The following CFAP54 variants were observed in gnomAD, a reference collection of about 807,000 sequenced individuals.
The protein encoded by CFAP54 is cilia- and flagella-associated protein 54.
CFAP54 carries 290 observed loss-of-function variants against 370.4 expected under a neutral mutation model. The ratio of observed to expected loss-of-function variants is 0.78; its 90% confidence interval spans 0.71 to 0.86. The LOEUF (loss-of-function observed/expected upper bound fraction) is 0.86, where lower values mean the gene tolerates loss of function less well. CFAP54 is among the 40% of genes least tolerant of loss of function. The probability of loss-of-function intolerance (pLI) is 0.00; values close to 1 mark genes in which losing one functional copy is unlikely to be tolerated. For synonymous variants in CFAP54, 1,206 were observed against 1,236.5 expected (o/e 0.98, Z 0.52); for missense variants, 3,399 against 3,528.7 (o/e 0.96, Z 0.93).
At chr12:96,826,873 ATATAT>A (rs1223910743) in intron 65 of CFAP54, among the ~76,000 whole-genome samples, 24 of 120,582 alleles carry the variant, frequency 2.0e-4, no homozygotes, top group South Asian at 7.1e-4. Flanking sequence ...TAATATTATG[ATATAT>A]TATATAATAT....
chr12:96,862,950 A>T (rs1385944783), intron 67 of CFAP54, among the ~76,000 whole-genome samples: 1 of 152,224 alleles, frequency 6.6e-6, no homozygotes, highest in African/African-American at 2.4e-5. Context: ...CAGGTGTGGA[A>T]ACAGCATGAC....
intron 40 of CFAP54, 73 bp downstream of exon 40, chr12:96,679,825 C>A: frequency 6.9e-7 from 1 of 1,452,348 alleles, no homozygotes; most frequent in South Asian, 1.3e-5. Flanking sequence ...CCCTCTTCTG[C>A]CCTCTCATTC....
chr12:96,835,146 C>CG (rs1401155040), intron 66 of CFAP54, among the ~76,000 whole-genome samples: 6 of 152,162 alleles, frequency 3.9e-5, no homozygotes, highest in African/African-American at 1.4e-4. Flanking sequence ...GAGTGGGTTA[C>CG]TCCTCTTTGC....
At chr12:96,573,124 A>G in intron 19 of CFAP54, 1 of 790,922 alleles carries the variant, frequency 1.3e-6, no homozygotes, top group South Asian at 5.7e-5. Flanking sequence ...CTCCAGACAT[A>G]ATCCCGAGGA....
At chr12:96,533,132 T>G (rs1331660714) in intron 9 of CFAP54, among the ~76,000 whole-genome samples, 1 of 152,076 alleles carries the variant, frequency 6.6e-6, no homozygotes, top group Non-Finnish European at 1.5e-5. Context: ...TTCTTTTCTT[T>G]CTTTCTTTTT....
At chr12:96,664,084 C>T (rs1192899680) in intron 39 of CFAP54, 152 bp downstream of exon 39, 1 of 648,068 alleles carries the variant, frequency 1.5e-6, no homozygotes, top group Non-Finnish European at 2.7e-6. Context: ...TTTTCGCCAT[C>T]TTACGTTGCT....
chr12:96,677,165 G>A lies in CFAP54; in HGVS notation c.5564-2435G>A, dbSNP rs193226697. Among the ~76,000 whole-genome samples the A allele has an allele frequency of 7.3e-3, 1,049 of 144,452 alleles. 10 individuals carry two copies. Among genetic ancestry groups the A allele is most frequent in the South Asian group, 0.023 (105 of 4,564 alleles). The allele number at this position is 144,452 out of a possible 152,430, so 94.8% of individuals were successfully genotyped here. A position where few individuals can be genotyped will look rare whatever the true frequency, so the allele number is the denominator to read the frequency against. On this transcript the variant is annotated intron_variant, in intron 39 of 67. Transcript: ENST00000524981. Reference sequence around the variant, plus strand: ...CTACAGGCACATGCCCCTGCACCCAGCTAACTTATTTTATTTTATTTTTTT... The same window carrying A: ...CTACAGGCACATGCCCCTGCACCCAACTAACTTATTTTATTTTATTTTTTT...
At chr12:96,631,000 A>G (rs1055878691) in intron 32 of CFAP54, among the ~76,000 whole-genome samples, 14 of 151,950 alleles carry the variant, frequency 9.2e-5, no homozygotes. Flanking sequence ...CAAAATGTTT[A>G]GTTTCTGTTT....
At chr12:96,708,945 C>A (rs1431793455) in intron 48 of CFAP54, 142 bp downstream of exon 48, 3 of 662,846 alleles carry the variant, frequency 4.5e-6, no homozygotes, top group Non-Finnish European at 5.0e-6. Flanking sequence ...CACATATGTA[C>A]TTATGTCTAG....
At chr12:96,603,320 G>A (rs1287836840) in intron 26 of CFAP54, among the ~76,000 whole-genome samples, 1 of 152,204 alleles carries the variant, frequency 6.6e-6, no homozygotes, top group East Asian at 1.9e-4. Flanking sequence ...TCTGCCAAGA[G>A]ATCCACTGTT....
intron 26 of CFAP54, among the ~76,000 whole-genome samples, chr12:96,604,863 T>C (rs771096796): frequency 1.1e-4 from 17 of 152,202 alleles, no homozygotes; most frequent in Non-Finnish European, 1.9e-4. Flanking sequence ...AGTGTACCGT[T>C]CCTCCAGGTA....
chr12:96,548,809 T>C (rs1360968117), intron 15 of CFAP54, among the ~76,000 whole-genome samples: 2 of 152,138 alleles, frequency 1.3e-5, no homozygotes, highest in African/African-American at 2.4e-5. Context: ...TCCAGACATA[T>C]GCAATCACAA....
chr12:96,658,227 C>T lies in CFAP54; in HGVS notation c.5341C>T (p.Gln1781Ter). Reference protein sequence around the residue: ...NTVSHERYTEQVTPLLVYAQR... With the variant: ...NTVSHERYTE ...CCTGTCTAGTGAGAGGTATACAGAA[C>T]AAGTGACACCACTTCTGGTGTATGC... The change falls in exon 38 of 68, where the codon CAA (glutamine) becomes TAA (stop). Residue 1781 changes from glutamine to a stop codon, truncating the protein, a stop_gained. Transcript: ENST00000524981. LOFTEE classifies it high-confidence loss of function. 6.2e-7 allele frequency: 1 copy of T among 1,613,832 alleles called. No homozygotes were observed. The highest frequency in any genetic ancestry group is 8.5e-7 in the Non-Finnish European group (1 of 1,179,908).
chr12:96,844,792 C>G (rs1442630793), intron 66 of CFAP54, among the ~76,000 whole-genome samples: 1 of 152,198 alleles, frequency 6.6e-6, no homozygotes, highest in Non-Finnish European at 1.5e-5. Context: ...TAAGCTCCTT[C>G]TCACCGTGTC....
intron 50 of CFAP54, among the ~76,000 whole-genome samples, chr12:96,737,496 G>T (rs1335139294): frequency 1.3e-4 from 18 of 143,512 alleles, no homozygotes; most frequent in African/African-American, 3.0e-4. Flanking sequence ...TATATGTTTT[G>T]TTTTTTTTTT....
intron 50 of CFAP54, among the ~76,000 whole-genome samples, chr12:96,727,917 A>G (rs1237617616): frequency 6.6e-6 from 1 of 151,508 alleles, no homozygotes; most frequent in African/African-American, 2.4e-5. Flanking sequence ...AAAGGATTTT[A>G]TTTCTCCTTC....
At chr12:96,653,925 C>T (rs1049361186) in intron 36 of CFAP54, among the ~76,000 whole-genome samples, 2 of 151,436 alleles carry the variant, frequency 1.3e-5, no homozygotes, top group Non-Finnish European at 2.9e-5. Flanking sequence ...TGGAGAAGGG[C>T]TATAACTACA....
intron 47 of CFAP54, 35 bp downstream of exon 47, chr12:96,704,831 C>T (rs12322697): frequency 1.2e-6 from 1 of 831,808 alleles, no homozygotes; most frequent in South Asian, 1.8e-5. Flanking sequence ...CATGGTTTTC[C>T]TAAGTGTGGA....
At chr12:96,870,436 A>G (rs184437355) in intron 67 of CFAP54, among the ~76,000 whole-genome samples, 45 of 152,308 alleles carry the variant, frequency 3.0e-4, no homozygotes, top group Admixed American at 2.5e-3. Flanking sequence ...ATGACATCGG[A>G]TAGTCCTGGC....
Sources: allele counts gnomAD v4.1 joint callset (sites outside exome capture counted in the v4.1 genomes callset), GRCh38; gene constraint gnomAD v4.1.1; transcripts MANE v1.5; gene names NCBI Gene and HGNC (gene_info 2026-07-23, HGNC 2026-07-21).